Variants in PREX1 observed in about 807,000 individuals in gnomAD.
The protein encoded by PREX1 is phosphatidylinositol-3,4,5-trisphosphate dependent Rac exchange factor 1, also known as phosphatidylinositol 3,4,5-trisphosphate-dependent Rac exchanger 1 protein.
A neutral mutation model predicts 198.3 loss-of-function variants in PREX1; 41 were observed. The observed-to-expected ratio is 0.21, with a 90% CI of 0.16 to 0.27. The LOEUF (loss-of-function observed/expected upper bound fraction) is 0.27, where lower values mean the gene tolerates loss of function less well. Among genes scored for constraint, PREX1 ranks in the 10% least tolerant of loss-of-function variants. The pLI is 1.00. For synonymous variants in PREX1, 843 were observed against 887.2 expected (o/e 0.95, Z 0.89); for missense variants, 1,620 against 2,200.7 (o/e 0.74, Z 5.28).
At chr20:48,816,989 C>T (rs1344553634) in intron 1 of PREX1, among the ~76,000 whole-genome samples, 2 of 152,204 alleles carry the variant, frequency 1.3e-5, no homozygotes, top group African/African-American at 4.8e-5. Context: ...TGATCCTAGG[C>T]AAGTGACCTC....
At chr20:48,712,849 G>A (rs1441949514) in intron 5 of PREX1, among the ~76,000 whole-genome samples, 1 of 152,234 alleles carries the variant, frequency 6.6e-6, no homozygotes, top group Non-Finnish European at 1.5e-5. Flanking sequence ...AGAAGTAACG[G>A]CCACAGTGGC....
chr20:48,637,660 G>A (rs2089375335), intron 31 of PREX1, 51 bp downstream of exon 31: 3 of 1,533,492 alleles, frequency 2.0e-6, no homozygotes, highest in African/African-American at 1.4e-5. Context: ...TCGGCCTTGG[G>A]TGGTGGAAGA....
intron 37 of PREX1, 115 bp downstream of exon 37, chr20:48,629,334 A>T (rs1191203289): frequency 7.4e-7 from 1 of 1,353,652 alleles, no homozygotes; most frequent in Non-Finnish European, 1.0e-6. Flanking sequence ...TCTACAGGCA[A>T]TGGCAGAACC....
At chr20:48,730,799 A>G (rs555884651) in intron 4 of PREX1, among the ~76,000 whole-genome samples, 1 of 152,200 alleles carries the variant, frequency 6.6e-6, no homozygotes, top group East Asian at 1.9e-4. Flanking sequence ...GTTCAACACC[A>G]GCCTGGGTAA....
At chr20:48,813,679 G>T (rs1283419457) in intron 1 of PREX1, among the ~76,000 whole-genome samples, 1 of 152,168 alleles carries the variant, frequency 6.6e-6, no homozygotes, top group Non-Finnish European at 1.5e-5. Context: ...AGAAAGGAAA[G>T]GGAGAGGGGG....
chr20:48,702,012 A>T (rs1293631697), intron 6 of PREX1, among the ~76,000 whole-genome samples: 1 of 152,042 alleles, frequency 6.6e-6, no homozygotes, highest in African/African-American at 2.4e-5. Context: ...GAAGTTCAAG[A>T]CCAGCCTGGC....
chr20:48,713,607 G>A (rs974441599), intron 5 of PREX1, among the ~76,000 whole-genome samples: 2 of 151,972 alleles, frequency 1.3e-5, no homozygotes, highest in African/African-American at 4.8e-5. Flanking sequence ...ACACAGTGAT[G>A]TGCACCTGTA....
intron 4 of PREX1, among the ~76,000 whole-genome samples, chr20:48,731,897 C>G (rs957263894): frequency 6.6e-6 from 1 of 152,234 alleles, no homozygotes; most frequent in Admixed American, 6.5e-5. Context: ...CCTTCCCACA[C>G]CCTGCACACA....
intron 1 of PREX1, among the ~76,000 whole-genome samples, chr20:48,804,611 A>G (rs1164144223): frequency 6.6e-6 from 1 of 152,160 alleles, no homozygotes; most frequent in Admixed American, 6.5e-5. Context: ...AGATAGGACG[A>G]ATGTGACCTG....
chr20:48,625,957 A>G, intron 39 of PREX1, 30 bp from the exon 40 acceptor site: 1 of 1,530,264 alleles, frequency 6.5e-7, no homozygotes, highest in Non-Finnish European at 8.8e-7. Flanking sequence ...GAATGAGGAG[A>G]GGCCGGGGCG....
the PREX1 span, among the ~76,000 whole-genome samples, chr20:48,881,641 G>C: frequency 6.6e-6 from 1 of 151,888 alleles, no homozygotes; most frequent in Non-Finnish European, 1.5e-5. Flanking sequence ...CACCTGCCAC[G>C]ACGCCCAGCT....
At chr20:48,873,736 A>G in the PREX1 span, among the ~76,000 whole-genome samples, 4 of 152,038 alleles carry the variant, frequency 2.6e-5, no homozygotes, top group Non-Finnish European at 5.9e-5. Flanking sequence ...AAATAAATAA[A>G]TAAAAATTAA....
At chr20:48,823,403 G>A (rs181513632) in intron 1 of PREX1, among the ~76,000 whole-genome samples, 115 of 152,290 alleles carry the variant, frequency 7.6e-4, no homozygotes, top group African/African-American at 2.3e-3. Flanking sequence ...GGAGTGGGGG[G>A]CAAGCTTCAC....
intron 31 of PREX1, among the ~76,000 whole-genome samples, chr20:48,637,389 C>T (rs1353133504): frequency 6.6e-6 from 1 of 152,236 alleles, no homozygotes; most frequent in Non-Finnish European, 1.5e-5. Flanking sequence ...CTTCCTCTTC[C>T]CCACTCTCTG....
At chr20:48,818,041 G>C (rs1162628598) in intron 1 of PREX1, among the ~76,000 whole-genome samples, 1 of 152,180 alleles carries the variant, frequency 6.6e-6, no homozygotes, top group African/African-American at 2.4e-5. Flanking sequence ...ACCCAGTCAA[G>C]AACATGATTT....
chr20:48,713,071 C>A (rs2089941236), intron 5 of PREX1, among the ~76,000 whole-genome samples: 1 of 151,820 alleles, frequency 6.6e-6, no homozygotes, highest in South Asian at 2.1e-4. Context: ...TTGCAGTGAG[C>A]CAAAGGTTGC....
At chr20:48,749,572 T>C (rs2090124994) in intron 1 of PREX1, among the ~76,000 whole-genome samples, 1 of 152,186 alleles carries the variant, frequency 6.6e-6, no homozygotes, top group Non-Finnish European at 1.5e-5. Flanking sequence ...TGTCAGATCC[T>C]TTCCATCACC....
chr20:48,644,438 G>A lies in PREX1; in HGVS notation c.3572C>T (p.Ser1191Phe). 1 of 1,613,946 alleles carries A rather than the reference G, an allele frequency of 6.2e-7. No homozygotes were observed. The highest frequency in any genetic ancestry group is 8.5e-7 in the Non-Finnish European group (1 of 1,179,918). ...CCCCATCTCGTCGCTGCCCAAGTAG[G>A]AGCTGTTACTTCTCACGCTGGTGTA... The part of the protein sequence containing the change: ...LSYTSVRSNS[S>F]YLGSDEMGSG... The change falls in exon 27 of 40, where the codon TCC becomes TTC. Residue 1191 changes from serine (S) to phenylalanine (F), a missense_variant. Ser to Phe is a radical substitution (Grantham distance 155). This residue lies in a region of PREX1 where 9 missense variants were observed against 31.6 expected (regional missense o/e 0.29). Coordinates refer to ENST00000371941, the MANE Select transcript of PREX1 (RefSeq NM_020820.4).
intron 7 of PREX1, among the ~76,000 whole-genome samples, chr20:48,693,903 G>A (rs540237084): frequency 3.6e-4 from 52 of 145,228 alleles, no homozygotes; most frequent in Non-Finnish European, 6.0e-4. Context: ...CCACCGTGCC[G>A]GCCTTATTTT....
Sources: allele counts gnomAD v4.1 joint callset (sites outside exome capture counted in the v4.1 genomes callset), GRCh38; gene constraint gnomAD v4.1.1; regional missense constraint gnomAD v4.1.1; transcripts MANE v1.5; gene names NCBI Gene and HGNC (gene_info 2026-07-23, HGNC 2026-07-21).